The following BRINP1 variants were observed in gnomAD, a reference collection of about 807,000 sequenced individuals.
BRINP1 encodes the protein BMP/retinoic acid inducible neural specific 1.
Under a neutral mutation model 72.9 loss-of-function variants are expected in BRINP1, and 17 were observed. The observed-to-expected ratio is 0.23, with a 90% CI of 0.16 to 0.35. BRINP1 has a LOEUF of 0.35. Ranked by LOEUF, BRINP1 falls within the 10% of genes least tolerant of loss-of-function variation. BRINP1 has a pLI of 1.00. For missense variants in BRINP1, 850 were observed against 1,001.6 expected, an observed-to-expected ratio of 0.85 and a Z score of 2.04; for synonymous variants, 418 against 378.5, an observed-to-expected ratio of 1.10 and a Z score of -1.21.
rs1305773718 is a variant in BRINP1 at position 119,195,974 on chromosome 9, T to C, written c.1145+12745A>G. On this transcript the variant is annotated intron_variant, in intron 7 of 7. Transcript: ENST00000265922. Reference sequence around the variant, plus strand: ...TATGGCCAAATAAATTTGAAACATATGAAAACTTGACCTCTTCTTTATTTA... The same window carrying C: ...TATGGCCAAATAAATTTGAAACATACGAAAACTTGACCTCTTCTTTATTTA... Among the ~76,000 whole-genome samples the C allele has an allele frequency of 2.0e-5, 3 of 152,234 alleles. No individual in the cohort carries two copies. The East Asian group carries it at 5.8e-4, about 29-fold the overall frequency.
rs565985631 is a variant in BRINP1, at chr9:119,187,021, G to A, written c.1146-18797C>T. ...AGCCACTGAAACACCTCTTCCTTCC[G>A]GGAGCCATACCAGTGCAGTGTCCTG... On this transcript the variant is annotated intron_variant, in intron 7 of 7. Transcript: ENST00000265922. Among the ~76,000 whole-genome samples, 29 of 151,974 alleles carry A rather than the reference G, an allele frequency of 1.9e-4. 1 individual carries two copies. The highest frequency in any genetic ancestry group is 3.4e-3 in the Middle Eastern group (1 of 294).
intron 1 of BRINP1, among the ~76,000 whole-genome samples, chr9:119,339,398 G>T (rs1172841100): frequency 2.0e-5 from 3 of 152,142 alleles, no homozygotes; most frequent in Admixed American, 6.5e-5. Context: ...TATTTCATTT[G>T]ATTATTTATT....
intron 7 of BRINP1, among the ~76,000 whole-genome samples, chr9:119,191,888 G>A (rs1167995983): frequency 6.6e-6 from 1 of 151,604 alleles, no homozygotes; most frequent in Admixed American, 6.6e-5. Flanking sequence ...TATAGAACTG[G>A]CATAAAAAAA....
At chr9:119,179,455 T>C (rs1293333080) in intron 7 of BRINP1, among the ~76,000 whole-genome samples, 1 of 152,194 alleles carries the variant, frequency 6.6e-6, no homozygotes, top group African/African-American at 2.4e-5. Flanking sequence ...TGGCTCTGAA[T>C]AAAGCAGTTT....
intron 6 of BRINP1, 97 bp downstream of exon 6, chr9:119,213,822 A>G (rs1829952209): frequency 5.6e-6 from 6 of 1,073,894 alleles, no homozygotes; most frequent in Non-Finnish European, 8.6e-6. Context: ...GGGTCACTGA[A>G]CTTTCCCTTG....
chr9:119,218,794 G>A (rs899083670), intron 5 of BRINP1, among the ~76,000 whole-genome samples: 13 of 133,862 alleles, frequency 9.7e-5, no homozygotes, highest in African/African-American at 3.9e-4. Context: ...CAATCTCCTT[G>A]TATACTAACA....
intron 2 of BRINP1, among the ~76,000 whole-genome samples, chr9:119,268,995 T>C (rs571516492): frequency 2.6e-5 from 4 of 152,340 alleles, no homozygotes; most frequent in African/African-American, 7.2e-5. Context: ...GTCCTAAATA[T>C]GCTTCTCACA....
At chr9:119,211,571 G>C (rs779865634) in intron 6 of BRINP1, among the ~76,000 whole-genome samples, 9 of 152,178 alleles carry the variant, frequency 5.9e-5, no homozygotes, top group African/African-American at 2.2e-4. Flanking sequence ...TTTATGTATA[G>C]AAACTAGGCC....
chr9:119,325,118 A>AAGAG (rs767203877), intron 1 of BRINP1, among the ~76,000 whole-genome samples: 1 of 151,544 alleles, frequency 6.6e-6, no homozygotes, highest in East Asian at 1.9e-4. Flanking sequence ...GAAAGAAAGA[A>AAGAG]AGAGAGAGAG....
intron 7 of BRINP1, among the ~76,000 whole-genome samples, chr9:119,172,245 T>C (rs1236102111): frequency 6.6e-6 from 1 of 151,958 alleles, no homozygotes; most frequent in African/African-American, 2.4e-5. Context: ...GCAAGACTCA[T>C]AAAGAAGAAA....
At chr9:119,256,375 T>G (rs1170988141) in intron 2 of BRINP1, among the ~76,000 whole-genome samples, 1 of 152,146 alleles carries the variant, frequency 6.6e-6, no homozygotes. Flanking sequence ...TTCCAGTAGA[T>G]AAAACTTTAG....
intron 1 of BRINP1, among the ~76,000 whole-genome samples, chr9:119,365,467 C>T (rs996479951): frequency 3.9e-5 from 6 of 152,082 alleles, no homozygotes; most frequent in Non-Finnish European, 5.9e-5. Context: ...CAGGAAAAGA[C>T]GGGTAGGGTA....
At chr9:119,309,842 T>A (rs1831042608) in intron 2 of BRINP1, among the ~76,000 whole-genome samples, 1 of 152,162 alleles carries the variant, frequency 6.6e-6, no homozygotes, top group African/African-American at 2.4e-5. Flanking sequence ...TATATGTTTG[T>A]AATCTATTGG....
At chr9:119,356,505 T>A (rs1831567550) in intron 1 of BRINP1, among the ~76,000 whole-genome samples, 1 of 152,166 alleles carries the variant, frequency 6.6e-6, no homozygotes, top group South Asian at 2.1e-4. Context: ...GAGTGCTCAA[T>A]AAACAATGTT....
intron 1 of BRINP1, among the ~76,000 whole-genome samples, chr9:119,341,300 A>G (rs1239828906): frequency 1.3e-5 from 2 of 152,194 alleles, no homozygotes; most frequent in Non-Finnish European, 2.9e-5. Context: ...ACTTTAACCC[A>G]CATAATGAGA....
intron 5 of BRINP1, among the ~76,000 whole-genome samples, chr9:119,218,654 C>T (rs1830006126): frequency 6.6e-6 from 1 of 151,864 alleles, no homozygotes; most frequent in Non-Finnish European, 1.5e-5. Flanking sequence ...TGAGTTCTGA[C>T]ACACTCGAGG....
intron 2 of BRINP1, among the ~76,000 whole-genome samples, chr9:119,311,703 T>A (rs1458264674): frequency 6.6e-6 from 1 of 152,090 alleles, no homozygotes; most frequent in African/African-American, 2.4e-5. Context: ...GAGGTCTTAA[T>A]CCCCCATCCT....
chr9:119,307,963 C>A (rs1831015829), intron 2 of BRINP1, among the ~76,000 whole-genome samples: 1 of 152,116 alleles, frequency 6.6e-6, no homozygotes, highest in Admixed American at 6.6e-5. Context: ...ACAAATTAAC[C>A]CTTTCACTAC....
intron 1 of BRINP1, among the ~76,000 whole-genome samples, chr9:119,367,431 C>G (rs1346854253): frequency 6.6e-6 from 1 of 151,934 alleles, no homozygotes; most frequent in South Asian, 2.1e-4. Flanking sequence ...GAGAAAGTAA[C>G]AGCTGCCGAG....
Sources: allele counts gnomAD v4.1 joint callset (sites outside exome capture counted in the v4.1 genomes callset), GRCh38; gene constraint gnomAD v4.1.1; transcripts MANE v1.5; gene names NCBI Gene and HGNC (gene_info 2026-07-23, HGNC 2026-07-21).